HDC: variants seen among roughly 807,000 people sequenced by gnomAD.
The protein encoded by HDC is histidine decarboxylase.
In HDC, 27 loss-of-function variants were observed where a neutral mutation model predicts 64.4. That is an observed-to-expected ratio of 0.42 (90% confidence interval 0.31 to 0.58). HDC has a LOEUF of 0.58. Ranked by LOEUF, HDC falls within the 20% of genes least tolerant of loss-of-function variation. The pLI is 0.16. For synonymous variants in HDC, 305 were observed against 314.2 expected (o/e 0.97, Z 0.31); for missense variants, 711 against 833.9 (o/e 0.85, Z 1.81).
rs774540255 is a variant in HDC at position 50,253,643 on chromosome 15, A to C, written c.744T>G (p.Thr248=). 1.2e-6 allele frequency: 2 copies of C among 1,613,480 alleles called. No homozygotes were observed. The highest frequency in any genetic ancestry group is 1.7e-6 in the Non-Finnish European group (2 of 1,180,004). Residue 248 remains threonine, a synonymous_variant, in exon 7 of 12, where the codon ACT becomes ACG. Transcript: ENST00000267845. Reference sequence around the variant, plus strand: ...ACAGGCAGTCAAATGCACAGACCCCAGTGGTCCCTAGTGTTGCACAGACCT... The same window carrying C: ...ACAGGCAGTCAAATGCACAGACCCCCGTGGTCCCTAGTGTTGCACAGACCT... The part of the protein sequence containing the change: ...PVFVCATLGT[T]GVCAFDCLSE...
chr15:50,263,502 AAAG>A (rs1356810395), intron 1 of HDC, 95 bp from the exon 2 acceptor site: 13 of 1,241,238 alleles, frequency 1.0e-5, no homozygotes, highest in East Asian at 2.5e-5. Flanking sequence ...GAGACTTGGT[AAAG>A]AAGGAGATGG....
At chr15:50,256,966 A>G (rs937816440) in intron 4 of HDC, among the ~76,000 whole-genome samples, 4 of 152,220 alleles carry the variant, frequency 2.6e-5, no homozygotes, top group Admixed American at 2.0e-4. Context: ...TTGAAGAACC[A>G]TAATTTGACA....
rs140622358 is a variant in HDC at position 50,242,767 on chromosome 15, G to C, written c.1482C>G (p.Ile494Met). 1 of 1,613,848 alleles carries C rather than the reference G, an allele frequency of 6.2e-7. No individual in the cohort carries two copies. The highest frequency in any genetic ancestry group is 1.3e-5 in the African/African-American group (1 of 74,922). ...CACAGGCCCAGGCTCTGGCACCCCT[G>C]ATTTGGGAGATGAGGTTCCCAACCC... is the stretch of plus-strand genomic sequence containing the variant. ...SPRVGNLISQ[I>M]RGARAWACGT... is the part of the protein sequence containing the mutation. The change falls in exon 12 of 12, where the codon ATC becomes ATG. Residue 494 changes from isoleucine to methionine, a missense_variant. Physicochemically the swap from Ile to Met is conservative, Grantham distance 10. This residue lies in a region of HDC where 483 missense variants were observed against 540.9 expected (regional missense o/e 0.89). Coordinates refer to ENST00000267845, the MANE Select transcript of HDC (RefSeq NM_002112.4).
Position 50,252,671 on chromosome 15 carries a change from G to T in HDC, c.891C>A (p.Asp297Glu). 1 of 1,614,176 alleles carries T rather than the reference G, an allele frequency of 6.2e-7. No homozygotes were observed. The change falls in exon 8 of 12, where the codon GAC becomes GAA. Residue 297 changes from aspartate to glutamate, a missense_variant. Transcript: ENST00000267845. ...ACTTGGAAGGATTAAAGGTGAAGGAGTCGGCATACTCAATCCCCTTCAGAA... is the reference window on the plus strand; with the variant it reads ...ACTTGGAAGGATTAAAGGTGAAGGATTCGGCATACTCAATCCCCTTCAGAA... ...RGFLKGIEYADSFTFNPSKWM... is the reference protein window; with the variant it reads ...RGFLKGIEYAESFTFNPSKWM...
At chr15:50,259,321 C>A (rs907978893) in intron 2 of HDC, among the ~76,000 whole-genome samples, 2 of 152,130 alleles carry the variant, frequency 1.3e-5, no homozygotes, top group Admixed American at 6.5e-5. Context: ...CAAAGCTGTC[C>A]TTAAGCATCA....
intron 10 of HDC, among the ~76,000 whole-genome samples, chr15:50,246,022 T>C (rs1176274768): frequency 1.3e-5 from 2 of 152,192 alleles, no homozygotes; most frequent in Non-Finnish European, 2.9e-5. Flanking sequence ...AACACAGAAA[T>C]ATGAAATTTA....
intron 4 of HDC, among the ~76,000 whole-genome samples, chr15:50,255,602 C>G (rs901856381): frequency 6.6e-6 from 1 of 152,054 alleles, no homozygotes; most frequent in African/African-American, 2.4e-5. Context: ...TTGAGACCAG[C>G]CTGGACAACA....
chr15:50,252,534 A>G lies in HDC; in HGVS notation c.951-14T>C. On this transcript the variant is annotated splice_polypyrimidine_tract_variant and intron_variant, in intron 8 of 11. Coordinates refer to ENST00000267845, the MANE Select transcript of HDC (RefSeq NM_002112.4). ...TTGTCCTTGACCCTGTGGGTTTCCA[A>G]ATGGGCATTAGTGGCTGAGGTCTCT... The G allele has an allele frequency of 6.2e-7, 1 of 1,614,136 alleles. No individual in the cohort carries two copies. Among genetic ancestry groups the G allele is most frequent in the Non-Finnish European group, 8.5e-7 (1 of 1,180,000 alleles).
chr15:50,251,051 A>G (rs1038116451), intron 9 of HDC, among the ~76,000 whole-genome samples: 3 of 152,260 alleles, frequency 2.0e-5, no homozygotes, highest in African/African-American at 7.2e-5. Context: ...TACAGGGGTC[A>G]GACACTGCTC....
chr15:50,250,871 A>C (rs1038529834), intron 9 of HDC, among the ~76,000 whole-genome samples: 1 of 152,310 alleles, frequency 6.6e-6, no homozygotes, highest in African/African-American at 2.4e-5. Context: ...TTACCGCTGC[A>C]ATTCTAATCC....
Position 50,248,127 on chromosome 15 carries a change from A to C in HDC, c.1140+118T>G. On this transcript the variant is annotated intron_variant, in intron 10 of 11. Coordinates refer to ENST00000267845, the MANE Select transcript of HDC (RefSeq NM_002112.4). This position sits in a 1 kb window ranked among gnomAD's most constrained non-coding sequence, Gnocchi z 4.3. ...CCCAGGAGCTGAGGAACAGGCCCAG[A>C]CACCTGAACCACACACCGCAAGTCT... 1.4e-6 allele frequency: 1 copy of C among 735,086 alleles called. No homozygotes were observed. 45.5% of individuals were successfully genotyped at this position (735,086 alleles called of 1,614,324 possible).
In HDC at chr15:50,244,277, C is replaced by T. The variant is rs1317738629; in HGVS notation, c.1141-1033G>A. On this transcript the variant is annotated intron_variant, in intron 10 of 11. Coordinates refer to ENST00000267845, the MANE Select transcript of HDC (RefSeq NM_002112.4). ...TTTCAAGAGAGGGCAAGGGAGTTAG[C>T]TGAACCTCTTTTTTTTTTTTTTTTT... Among the ~76,000 whole-genome samples, 3 of 145,690 alleles carry T rather than the reference C, an allele frequency of 2.1e-5. No homozygotes were observed. In the Admixed American group the frequency reaches 2.1e-4, roughly 10 times the overall value.
chr15:50,244,146 A>G (rs2045444349), intron 10 of HDC, among the ~76,000 whole-genome samples: 1 of 152,190 alleles, frequency 6.6e-6, no homozygotes, highest in South Asian at 2.1e-4. Flanking sequence ...CAAGGACAGG[A>G]CTTGCCTTCT....
chr15:50,243,179 G>C lies in HDC; in HGVS notation c.1206C>G (p.Ala402=), dbSNP rs2045427143. Residue 402 remains alanine, a synonymous_variant, in exon 11 of 12, where the codon GCC becomes GCG. Coordinates refer to ENST00000267845, the MANE Select transcript of HDC (RefSeq NM_002112.4). ...AAACCACCAGGCCAAGGTGCCTCTTGGCAGGAATTTCAAAGGAAGGGTCGT... is the reference window on the plus strand; with the variant it reads ...AAACCACCAGGCCAAGGTGCCTCTTCGCAGGAATTTCAAAGGAAGGGTCGT... ...VRNDPSFEIP[A]KRHLGLVVFR... is the part of the protein sequence containing the mutation. 3.7e-6 allele frequency: 6 copies of C among 1,613,964 alleles called. No homozygotes were observed. In the East Asian group the frequency reaches 1.3e-4, roughly 36 times the overall value.
Position 50,242,039 on chromosome 15 carries a change from C to A in HDC, c.*221G>T. ...GCTGCCTGTCTACCCTCGGCCCTTT[C>A]TCACTGACCAGACTGCTGAACCCAT... On this transcript the variant is annotated 3_prime_UTR_variant, in exon 12 of 12. Coordinates refer to ENST00000267845, the MANE Select transcript of HDC (RefSeq NM_002112.4). 3.4e-6 allele frequency: 2 copies of A among 595,418 alleles called. No homozygotes were observed. The highest frequency in any genetic ancestry group is 3.0e-6 in the Non-Finnish European group (1 of 335,330). The allele number at this position is 595,418 out of a possible 1,614,324, so 36.9% of individuals were successfully genotyped here. A position where few individuals can be genotyped will look rare whatever the true frequency, so the allele number is the denominator to read the frequency against.
chr15:50,254,368 A>G, intron 5 of HDC, 95 bp from the exon 6 acceptor site: 3 of 1,553,260 alleles, frequency 1.9e-6, no homozygotes, highest in Non-Finnish European at 2.7e-6. Flanking sequence ...ACCAAATATG[A>G]TCATTGGAAG....
At chr15:50,243,351 C>A in intron 10 of HDC, 107 bp from the exon 11 acceptor site, 1 of 803,740 alleles carries the variant, frequency 1.2e-6, no homozygotes, top group South Asian at 1.4e-5. Context: ...CTTCCCGTCA[C>A]AGCCGTTGTA....
At chr15:50,265,454 A>C in intron 1 of HDC, 139 bp downstream of exon 1, 2 of 768,406 alleles carry the variant, frequency 2.6e-6, no homozygotes, top group African/African-American at 3.4e-5. Context: ...CAGAAAAAAA[A>C]ATGTTGCTGG....
intron 9 of HDC, among the ~76,000 whole-genome samples, chr15:50,251,779 C>G (rs886547758): frequency 2.6e-5 from 4 of 151,554 alleles, no homozygotes; most frequent in Non-Finnish European, 5.9e-5. Flanking sequence ...TTGCAGTGAG[C>G]CAAGATGGCG....
Sources: gnomAD v4.1 joint callset for allele counts (sites outside exome capture counted in the v4.1 genomes callset) on GRCh38, gnomAD v4.1.1 for gene constraint, gnomAD v4.1.1 regional missense constraint, Gnocchi (gnomAD v3.1) non-coding constraint, MANE v1.5 for transcripts, NCBI Gene and HGNC (gene_info 2026-07-23, HGNC 2026-07-21) for gene names.